The following ANO1 variants were observed in gnomAD, a reference collection of about 807,000 sequenced individuals.
ANO1 encodes anoctamin 1.
In ANO1, 59 loss-of-function variants were observed where a neutral mutation model predicts 124.0. The observed-to-expected ratio is 0.48, with a 90% CI of 0.39 to 0.59. The LOEUF (loss-of-function observed/expected upper bound fraction) is 0.59. Ranked by LOEUF, ANO1 falls within the 20% of genes least tolerant of loss-of-function variation. ANO1 has a pLI of 0.00. For synonymous variants in ANO1, 529 were observed against 532.0 expected (o/e 0.99, Z 0.08); for missense variants, 1,059 against 1,328.0 (o/e 0.80, Z 3.15).
chr11:70,000,933 T>A (rs1856371576), intron 1 of ANO1, among the ~76,000 whole-genome samples: 1 of 151,172 alleles, frequency 6.6e-6, no homozygotes, highest in African/African-American at 2.4e-5. Flanking sequence ...ATACCCAGCT[T>A]TGGCAAGAAC....
chr11:70,084,377 G>T (rs1156663931), intron 1 of ANO1, among the ~76,000 whole-genome samples: 1 of 152,190 alleles, frequency 6.6e-6, no homozygotes, highest in African/African-American at 2.4e-5. Flanking sequence ...CTGCCATTGG[G>T]TGGCCATCAG....
intron 13 of ANO1, 41 bp downstream of exon 13, chr11:70,152,502 A>G (rs1288641033): frequency 6.9e-6 from 11 of 1,604,450 alleles, no homozygotes; most frequent in Non-Finnish European, 8.5e-6. Flanking sequence ...CCCACAGCCT[A>G]TCTCCCTGGG....
intron 1 of ANO1, among the ~76,000 whole-genome samples, chr11:70,034,187 A>G (rs186083269): frequency 6.6e-6 from 1 of 152,276 alleles, no homozygotes; most frequent in Non-Finnish European, 1.5e-5. Flanking sequence ...CTGGCCCTTT[A>G]CAGAAAAAGT....
intron 1 of ANO1, among the ~76,000 whole-genome samples, chr11:70,045,004 A>G (rs921461710): frequency 1.3e-5 from 2 of 152,234 alleles, no homozygotes; most frequent in African/African-American, 4.8e-5. Flanking sequence ...TTTTTAAATT[A>G]CACTCCCATG....
chr11:70,019,777 G>A (rs147469489), intron 1 of ANO1, among the ~76,000 whole-genome samples: 51 of 152,320 alleles, frequency 3.3e-4, no homozygotes, highest in African/African-American at 1.1e-3. Flanking sequence ...CTTCCTGGTC[G>A]TCTCATAATG....
At chr11:69,978,706 CT>C in the ANO1 span, among the ~76,000 whole-genome samples, 1 of 152,180 alleles carries the variant, frequency 6.6e-6, no homozygotes, top group Admixed American at 6.5e-5. Context: ...GAGGTGTCCC[CT>C]CTCTTGAGTC....
chr11:70,055,854 T>C (rs1441852631), intron 1 of ANO1, among the ~76,000 whole-genome samples: 1 of 152,156 alleles, frequency 6.6e-6, no homozygotes, highest in Non-Finnish European at 1.5e-5. Context: ...TTGGTTGCAC[T>C]AGAATTGCCA....
intron 1 of ANO1, among the ~76,000 whole-genome samples, chr11:70,062,692 C>T (rs1857616866): frequency 6.6e-6 from 1 of 152,194 alleles, no homozygotes; most frequent in African/African-American, 2.4e-5. Context: ...GTCTCTCCTC[C>T]ATGAGACTGG....
At chr11:70,038,200 T>TA (rs1857125960) in intron 1 of ANO1, among the ~76,000 whole-genome samples, 1 of 152,246 alleles carries the variant, frequency 6.6e-6, no homozygotes, top group South Asian at 2.1e-4. Flanking sequence ...TGGACAAGGT[T>TA]AAGCAAGACC....
At chr11:70,141,179 A>AG (rs531309850) in intron 11 of ANO1, among the ~76,000 whole-genome samples, 202 of 152,326 alleles carry the variant, frequency 1.3e-3, no homozygotes, top group African/African-American at 4.6e-3. Context: ...AGCCAGTAGC[A>AG]GGGGACATGT....
intron 1 of ANO1, among the ~76,000 whole-genome samples, chr11:70,001,385 A>C (rs1227725627): frequency 6.6e-6 from 1 of 152,150 alleles, no homozygotes; most frequent in Non-Finnish European, 1.5e-5. Context: ...CCCCAGCAGC[A>C]TTGTTCATGA....
intron 1 of ANO1, among the ~76,000 whole-genome samples, chr11:69,989,405 G>A (rs1471619988): frequency 1.3e-5 from 2 of 152,074 alleles, no homozygotes; most frequent in Non-Finnish European, 2.9e-5. Flanking sequence ...AACATTCCAG[G>A]CAGAAGGAAC....
At position 70,062,063 on chromosome 11, in the gene ANO1, C is replaced by CTTTTTTTTTTTTTTTTTTTTTT. The variant is rs1857593075; in HGVS notation, c.59-16476_59-16475insTTTTTTTTTTTTTTTTTTTTTT. 3.9e-5 allele frequency among the ~76,000 whole-genome samples: 3 copies of CTTTTTTTTTTTTTTTTTTTTTT among 76,700 alleles called. 1 individual carries two copies. 50.3% of individuals were successfully genotyped at this position (76,700 alleles called of 152,430 possible). On this transcript the variant is annotated intron_variant, in intron 1 of 27. Transcript: ENST00000531349. ...AGAGGTGATTTTTTTCTCTTTCCTTCTTTCTTTTTTTTTTTTTTTTTTTTT... is the reference window on the plus strand; with the variant it reads ...AGAGGTGATTTTTTTCTCTTTCCTTCTTTTTTTTTTTTTTTTTTTTTTTTTCTTTTTTTTTTTTTTTTTTTTT...
At position 70,155,028 on chromosome 11, in the gene ANO1, A is replaced by T. The variant is rs564414124; in HGVS notation, c.1426-883A>T. The stretch of plus-strand genomic sequence containing the variant: ...GCATCCGGCGTGTTTTCAGGGCGGC[A>T]TCCCGGCCCCCAAGCCTGGGTGAAG... On this transcript the variant is annotated intron_variant, in intron 14 of 25. Coordinates refer to ENST00000355303, the MANE Select transcript of ANO1 (RefSeq NM_018043.7). Among the ~76,000 whole-genome samples the T allele has an allele frequency of 3.9e-5, 6 of 152,338 alleles. No homozygotes were observed. In the South Asian group the frequency reaches 1.2e-3, roughly 32 times the overall value.
At chr11:70,166,715 C>A (rs750266108) in intron 20 of ANO1, among the ~76,000 whole-genome samples, 2 of 152,186 alleles carry the variant, frequency 1.3e-5, no homozygotes, top group Non-Finnish European at 2.9e-5. Context: ...GTTTGCCCTC[C>A]CTGCACCTCC....
intron 1 of ANO1, among the ~76,000 whole-genome samples, chr11:70,042,867 A>G (rs1857205038): frequency 6.6e-6 from 1 of 152,218 alleles, no homozygotes; most frequent in African/African-American, 2.4e-5. Context: ...TAAGCAACTT[A>G]ACTGCATGCT....
chr11:69,975,252 C>T, the ANO1 span, among the ~76,000 whole-genome samples: 646 of 152,344 alleles, frequency 4.2e-3, 4 homozygotes, highest in African/African-American at 0.015. Context: ...CCTCCCTACC[C>T]CCTCCCCACA....
intron 25 of ANO1, among the ~76,000 whole-genome samples, chr11:70,186,667 T>C (rs1460841915): frequency 6.6e-6 from 1 of 152,130 alleles, no homozygotes; most frequent in African/African-American, 2.4e-5. Flanking sequence ...AGAGAGGCAG[T>C]ATCCTGGGCT....
Position 70,087,822 on chromosome 11 carries a change from G to C in ANO1, c.179G>C (p.Arg60Pro), listed in dbSNP as rs199526216. The change falls in exon 2 of 26, where the codon CGC (arginine) becomes CCC (proline). Residue 60 changes from arginine to proline, a missense_variant. By Grantham distance (103) the Arg-to-Pro change is moderately radical (BLOSUM62 -2). Transcript: ENST00000355303. ...KYGLYFRDGRRKVDYILVYHH... is the reference protein window; with the variant it reads ...KYGLYFRDGRPKVDYILVYHH... ...GGCCTGTACTTCAGGGACGGCCGGC[G>C]CAAGGTGGACTACATCCTGGTGTAC... The C allele has an allele frequency of 1.2e-6, 2 of 1,613,004 alleles. No homozygotes were observed. Among genetic ancestry groups the C allele is most frequent in the Non-Finnish European group, 1.7e-6 (2 of 1,179,682 alleles).
Sources: allele counts gnomAD v4.1 joint callset (sites outside exome capture counted in the v4.1 genomes callset), GRCh38; gene constraint gnomAD v4.1.1; transcripts MANE v1.5; gene names NCBI Gene and HGNC (gene_info 2026-07-23, HGNC 2026-07-21).